ITFG1: variants seen among roughly 807,000 people sequenced by gnomAD.
The protein encoded by ITFG1 is T-cell immunomodulatory protein.
In ITFG1, 34 loss-of-function variants were observed where a neutral mutation model predicts 81.8. That is an observed-to-expected ratio of 0.42 (90% CI 0.32 to 0.55). The LOEUF (loss-of-function observed/expected upper bound fraction) is 0.55. ITFG1 is among the 20% of genes least tolerant of loss of function. The pLI, the probability that ITFG1 is intolerant of heterozygous loss-of-function variation, is 0.17. For missense variants in ITFG1, 672 were observed against 755.4 expected, an observed-to-expected ratio of 0.89 and a Z score of 1.29; for synonymous variants, 285 against 270.6, an observed-to-expected ratio of 1.05 and a Z score of -0.52.
intron 10 of ITFG1, among the ~76,000 whole-genome samples, chr16:47,264,666 T>C (rs1231999592): frequency 2.6e-5 from 4 of 151,866 alleles, no homozygotes; most frequent in Admixed American, 1.3e-4. Flanking sequence ...TCAAAGGATA[T>C]GGATATTTTA....
chr16:47,266,400 T>C (rs1235477649), intron 10 of ITFG1, among the ~76,000 whole-genome samples: 1 of 152,148 alleles, frequency 6.6e-6, no homozygotes, highest in Non-Finnish European at 1.5e-5. Context: ...GTACTTTTAG[T>C]AGAGATGGAG....
intron 6 of ITFG1, among the ~76,000 whole-genome samples, chr16:47,408,241 T>TG (rs1291637160): frequency 6.6e-6 from 1 of 152,202 alleles, no homozygotes; most frequent in African/African-American, 2.4e-5. Flanking sequence ...TTGAATTTGA[T>TG]GAATGAATGA....
At position 47,419,944 on chromosome 16, in the gene ITFG1, TTTATC is replaced by T. The variant is rs374462099; in HGVS notation, c.655+8855_655+8859del. 4.2e-3 allele frequency among the ~76,000 whole-genome samples: 630 copies of T among 151,582 alleles called. 6 individuals are homozygous for T. The highest frequency in any genetic ancestry group is 0.014 in the African/African-American group (595 of 41,410). ...GGGCAGACTCTTTCACCTTTTTTTC[TTTATC>T]TTCTCTTTTTTTTTTTTTTGGAGAC... On this transcript the variant is annotated intron_variant, in intron 6 of 17. Coordinates refer to ENST00000320640, the MANE Select transcript of ITFG1 (RefSeq NM_030790.5).
intron 13 of ITFG1, among the ~76,000 whole-genome samples, chr16:47,220,904 T>C (rs947073143): frequency 1.3e-5 from 2 of 152,166 alleles, no homozygotes; most frequent in Admixed American, 1.3e-4. Flanking sequence ...TTTGCAAGAA[T>C]CCAAGGAGCA....
chr16:47,203,767 G>C (rs1218078968), intron 14 of ITFG1, among the ~76,000 whole-genome samples: 1 of 152,192 alleles, frequency 6.6e-6, no homozygotes, highest in Non-Finnish European at 1.5e-5. Context: ...GTTCCTAACA[G>C]GCCATGGATT....
At chr16:47,253,100 C>A (rs1450044304) in intron 12 of ITFG1, among the ~76,000 whole-genome samples, 2 of 152,042 alleles carry the variant, frequency 1.3e-5, no homozygotes, top group Non-Finnish European at 2.9e-5. Context: ...TGTGGAGAAT[C>A]CTCTCCTCAG....
intron 6 of ITFG1, among the ~76,000 whole-genome samples, chr16:47,407,010 A>G (rs912752235): frequency 5.9e-5 from 9 of 152,190 alleles, no homozygotes; most frequent in South Asian, 2.1e-4. Context: ...AAGCGGGAAA[A>G]TAGAATGGAA....
intron 8 of ITFG1, among the ~76,000 whole-genome samples, chr16:47,337,151 A>AG (rs967895241): frequency 6.6e-6 from 1 of 151,188 alleles, no homozygotes; most frequent in Non-Finnish European, 1.5e-5. Context: ...AAAAAAAAAA[A>AG]AAGAAAAAGA....
chr16:47,349,282 C>CA (rs1967912181), intron 8 of ITFG1, among the ~76,000 whole-genome samples: 2 of 152,040 alleles, frequency 1.3e-5, no homozygotes, highest in Non-Finnish European at 2.9e-5. Flanking sequence ...GATAAAGAGT[C>CA]AGACCCATCA....
chr16:47,183,431 C>A (rs1472339712), intron 14 of ITFG1, among the ~76,000 whole-genome samples: 1 of 152,192 alleles, frequency 6.6e-6, no homozygotes, highest in Non-Finnish European at 1.5e-5. Flanking sequence ...AGCTGGAGAT[C>A]TGAGAACGGG....
At chr16:47,302,937 G>A (rs1021772703) in intron 10 of ITFG1, among the ~76,000 whole-genome samples, 6 of 152,218 alleles carry the variant, frequency 3.9e-5, no homozygotes, top group African/African-American at 9.6e-5. Context: ...AAACAGAGAC[G>A]GGGTCTTGAT....
chr16:47,177,965 A>G (rs1965051082), intron 14 of ITFG1, among the ~76,000 whole-genome samples: 1 of 152,256 alleles, frequency 6.6e-6, no homozygotes, highest in African/African-American at 2.4e-5. Context: ...CCCAGAATTC[A>G]GAAGTGAAAA....
At chr16:47,272,047 T>C (rs546352745) in intron 10 of ITFG1, among the ~76,000 whole-genome samples, 35 of 152,330 alleles carry the variant, frequency 2.3e-4, no homozygotes, top group Middle Eastern at 6.8e-3. Context: ...TAATGAAATG[T>C]AGTATAACCA....
At chr16:47,240,639 G>A (rs374992228) in intron 12 of ITFG1, among the ~76,000 whole-genome samples, 3 of 152,002 alleles carry the variant, frequency 2.0e-5, no homozygotes, top group South Asian at 2.1e-4. Flanking sequence ...GCCAAGAGGC[G>A]GAAGCAAGCC....
intron 5 of ITFG1, among the ~76,000 whole-genome samples, chr16:47,440,309 CTG>C (rs1354284319): frequency 6.6e-6 from 1 of 152,082 alleles, no homozygotes; most frequent in Non-Finnish European, 1.5e-5. Context: ...TATCCAGGAA[CTG>C]AACTCAGCTC....
intron 14 of ITFG1, among the ~76,000 whole-genome samples, chr16:47,200,647 A>G (rs1210471854): frequency 6.6e-6 from 1 of 152,226 alleles, no homozygotes; most frequent in African/African-American, 2.4e-5. Context: ...TAATATGTAT[A>G]CTTCAAACTT....
chr16:47,256,052 G>T (rs763840418), intron 12 of ITFG1, among the ~76,000 whole-genome samples: 1 of 151,268 alleles, frequency 6.6e-6, no homozygotes, highest in Non-Finnish European at 1.5e-5. Context: ...TTGACTTACT[G>T]CAACCTCTGC....
chr16:47,458,598 A>T (rs997190023), intron 2 of ITFG1, among the ~76,000 whole-genome samples: 5 of 152,206 alleles, frequency 3.3e-5, no homozygotes, highest in Non-Finnish European at 5.9e-5. Context: ...CACAGAAAAG[A>T]AAAATAACTA....
At chr16:47,217,075 A>C (rs1423222904) in intron 14 of ITFG1, among the ~76,000 whole-genome samples, 1 of 152,198 alleles carries the variant, frequency 6.6e-6, no homozygotes, top group Non-Finnish European at 1.5e-5. Flanking sequence ...TATACAAAAT[A>C]GCCCCCAAAG....
Sources: gnomAD v4.1 joint callset for allele counts (sites outside exome capture counted in the v4.1 genomes callset) on GRCh38, gnomAD v4.1.1 for gene constraint, MANE v1.5 for transcripts, NCBI Gene and HGNC (gene_info 2026-07-23, HGNC 2026-07-21) for gene names.